RGS8: variants seen among roughly 807,000 people sequenced by gnomAD.
RGS8 encodes regulator of G-protein signaling 8.
RGS8 carries 8 observed loss-of-function variants against 21.7 expected under a neutral mutation model. That is an observed-to-expected ratio of 0.37 (90% confidence interval 0.22 to 0.66). RGS8 has a LOEUF of 0.66. Among genes scored for constraint, RGS8 ranks in the 30% least tolerant of loss-of-function variants. The pLI is 0.59. For synonymous variants in RGS8, 80 were observed against 83.6 expected (o/e 0.96, Z 0.24); for missense variants, 157 against 217.9 (o/e 0.72, Z 1.76).
chr1:182,653,523 A>G (rs1017098666), intron 5 of RGS8, among the ~76,000 whole-genome samples: 1 of 152,028 alleles, frequency 6.6e-6, no homozygotes, highest in South Asian at 2.1e-4. Flanking sequence ...GTGAAACCCC[A>G]TCTCTACTAA....
upstream of RGS8, among the ~76,000 whole-genome samples, chr1:182,686,637 C>T (rs1664715251): frequency 6.6e-6 from 1 of 152,148 alleles, no homozygotes; most frequent in Non-Finnish European, 1.5e-5. Context: ...CTTTGACCTG[C>T]AAATGAAAAC....
At chr1:182,748,047 A>T in the RGS8 span, among the ~76,000 whole-genome samples, 1 of 152,186 alleles carries the variant, frequency 6.6e-6, no homozygotes, top group Non-Finnish European at 1.5e-5. Context: ...GTACATACAC[A>T]TTGTAGAATG....
the RGS8 span, among the ~76,000 whole-genome samples, chr1:182,737,814 C>T: frequency 2.0e-5 from 3 of 152,238 alleles, no homozygotes; most frequent in South Asian, 6.2e-4. Flanking sequence ...CAGCTACCAG[C>T]CAACAACTAG....
the RGS8 span, among the ~76,000 whole-genome samples, chr1:182,695,468 C>T: frequency 2.0e-5 from 3 of 152,162 alleles, no homozygotes; most frequent in Middle Eastern, 6.8e-3. Context: ...AATTTTGAGC[C>T]ACTGTAAAAC....
chr1:182,712,998 A>G, the RGS8 span: 1 of 152,210 alleles, frequency 6.6e-6, no homozygotes, highest in Non-Finnish European at 1.5e-5. Context: ...ATTTGAATTT[A>G]ATATTTTAAT....
intron 1 of RGS8, among the ~76,000 whole-genome samples, chr1:182,679,287 T>C (rs1664466384): frequency 6.6e-6 from 1 of 152,014 alleles, no homozygotes; most frequent in African/African-American, 2.4e-5. Flanking sequence ...ATTCCCACCA[T>C]TCCCCCGAAA....
intron 6 of RGS8, 31 bp downstream of exon 7, chr1:182,648,106 A>T (rs1662790549): frequency 6.4e-7 from 1 of 1,571,918 alleles, no homozygotes; most frequent in African/African-American, 1.4e-5. Context: ...GGAGCCATGG[A>T]TAGACAGGAT....
At chr1:182,670,622 T>C (rs1444725841) in intron 2 of RGS8, among the ~76,000 whole-genome samples, 1 of 152,234 alleles carries the variant, frequency 6.6e-6, no homozygotes, top group African/African-American at 2.4e-5. Flanking sequence ...AAAAGGAACC[T>C]AATTTAGATA....
the RGS8 span, among the ~76,000 whole-genome samples, chr1:182,741,989 G>A: frequency 2.1e-5 from 3 of 145,746 alleles, no homozygotes; most frequent in East Asian, 6.3e-4. Flanking sequence ...CTCAGACGGG[G>A]CGGTTGCCAG....
the RGS8 span, among the ~76,000 whole-genome samples, chr1:182,726,985 G>T: frequency 6.6e-6 from 1 of 152,128 alleles, no homozygotes; most frequent in African/African-American, 2.4e-5. Context: ...CCCGCCACAG[G>T]TTGGAACAGT....
At chr1:182,721,566 G>A in the RGS8 span, among the ~76,000 whole-genome samples, 1 of 152,060 alleles carries the variant, frequency 6.6e-6, no homozygotes, top group Admixed American at 6.6e-5. Flanking sequence ...CCAGGGAAAG[G>A]GCATCTCAGG....
In RGS8 at chr1:182,648,121, G is replaced by A. The variant is rs200142142; in HGVS notation, c.360+16C>T. On this transcript the variant is annotated intron_variant, in intron 6 of 6. Transcript: ENST00000483095. ...GGAGCCATGGATAGACAGGATGGTC[G>A]CCGCTGCCAACACACCTCCCGTGGA... The A allele has an allele frequency of 9.1e-5, 144 of 1,582,182 alleles. No homozygotes were observed. Among genetic ancestry groups the A allele is most frequent in the Middle Eastern group, 1.7e-4 (1 of 5,964 alleles).
chr1:182,671,882 C>A, exon 1 of RGS8: 1 of 1,495,388 alleles, frequency 6.7e-7, no homozygotes, highest in Non-Finnish European at 8.9e-7. Context: ...CAAGCGGCCC[C>A]ACTGAAAGCT....
chr1:182,739,981 A>G, the RGS8 span, among the ~76,000 whole-genome samples: 1 of 151,626 alleles, frequency 6.6e-6, no homozygotes, highest in Non-Finnish European at 1.5e-5. Flanking sequence ...CCAACCCCCA[A>G]CCCCCAATTT....
chr1:182,742,709 G>A, the RGS8 span, among the ~76,000 whole-genome samples: 1 of 151,978 alleles, frequency 6.6e-6, no homozygotes, highest in African/African-American at 2.4e-5. Flanking sequence ...GCTTTGGCTC[G>A]GCATCAGAGG....
At chr1:182,738,542 T>C in the RGS8 span, among the ~76,000 whole-genome samples, 23 of 152,350 alleles carry the variant, frequency 1.5e-4, no homozygotes, top group Admixed American at 5.9e-4. Flanking sequence ...TGGTGTTATT[T>C]TAAACAAATG....
At chr1:182,699,740 G>T in the RGS8 span, among the ~76,000 whole-genome samples, 14 of 152,158 alleles carry the variant, frequency 9.2e-5, no homozygotes, top group Non-Finnish European at 2.1e-4. Flanking sequence ...TCCCCTGAGA[G>T]GCCTGCAATG....
At chr1:182,724,200 G>GGATATA in the RGS8 span, among the ~76,000 whole-genome samples, 1 of 44,820 alleles carries the variant, frequency 2.2e-5, no homozygotes, top group Non-Finnish European at 4.3e-5. Context: ...AGGCTAGACT[G>GGATATA]GATATATATA....
chr1:182,708,446 CAG>C, the RGS8 span, among the ~76,000 whole-genome samples: 4 of 152,348 alleles, frequency 2.6e-5, no homozygotes, highest in African/African-American at 9.6e-5. Context: ...AGCCTGTCTA[CAG>C]AGGCACACCT....
Sources: allele counts gnomAD v4.1 joint callset (sites outside exome capture counted in the v4.1 genomes callset), GRCh38; gene constraint gnomAD v4.1.1; transcripts MANE v1.5; gene names NCBI Gene and HGNC (gene_info 2026-07-23, HGNC 2026-07-21).